FRMPD4: variants seen among roughly 807,000 people sequenced by gnomAD.
The protein encoded by FRMPD4 is FERM and PDZ domain-containing protein 4.
In FRMPD4, 22 loss-of-function variants were observed where a neutral mutation model predicts 94.1. The ratio of observed to expected loss-of-function variants is 0.23; its 90% CI spans 0.17 to 0.33. The LOEUF (loss-of-function observed/expected upper bound fraction) is 0.33, where lower values mean the gene tolerates loss of function less well. Ranked by LOEUF, FRMPD4 falls within the 10% of genes least tolerant of loss-of-function variation. The pLI, the probability that FRMPD4 is intolerant of heterozygous loss-of-function variation, is 1.00. For synonymous variants in FRMPD4, 631 were observed against 548.6 expected, an observed-to-expected ratio of 1.15 and a Z score of -2.10; for missense variants, 1,111 against 1,339.9, an observed-to-expected ratio of 0.83 and a Z score of 2.67.
At chrX:12,249,359 G>A (rs980131867) in intron 1 of FRMPD4, among the ~76,000 whole-genome samples, 2 of 111,474 alleles carry the variant, frequency 1.8e-5, no homozygotes, top group Admixed American at 9.5e-5. Flanking sequence ...ATAGAGAAAA[G>A]GTGGTGTTAA....
intron 1 of FRMPD4, among the ~76,000 whole-genome samples, chrX:12,200,977 C>T (rs1401931564): frequency 2.7e-5 from 3 of 112,126 alleles, no homozygotes; most frequent in South Asian, 3.7e-4. Context: ...TATTATTTTG[C>T]GTTGTTGTCA....
chrX:12,463,709 T>TTTC (rs1569286431), intron 1 of FRMPD4, among the ~76,000 whole-genome samples: 1 of 101,188 alleles, frequency 9.9e-6, no homozygotes, highest in Non-Finnish European at 2.0e-5. Context: ...TTTTTTTTTT[T>TTTC]TAACAGAGCA....
chrX:11,964,246 G>A (rs6640850), intron 3 of FRMPD4, among the ~76,000 whole-genome samples: 3,792 of 109,496 alleles, frequency 0.035, 162 homozygotes, highest in East Asian at 0.23. Context: ...TGCAAGTTCC[G>A]CCTCCTGGGT....
chrX:12,717,171 A>T, intron 15 of FRMPD4, 38 bp downstream of exon 15: 1 of 902,950 alleles, frequency 1.1e-6, no homozygotes, highest in Non-Finnish European at 1.5e-6. Flanking sequence ...ACTGATAACC[A>T]TATCATTCCA....
At chrX:12,036,727 T>C (rs1015145735) in intron 3 of FRMPD4, among the ~76,000 whole-genome samples, 1 of 111,818 alleles carries the variant, frequency 8.9e-6, no homozygotes, top group Non-Finnish European at 1.9e-5. Context: ...AATTTTGAGA[T>C]TTGGGTAGAC....
chrX:12,199,441 A>G (rs2056606699), intron 1 of FRMPD4, among the ~76,000 whole-genome samples: 1 of 111,235 alleles, frequency 9.0e-6, no homozygotes, highest in African/African-American at 3.3e-5. Flanking sequence ...CCCTATAGGC[A>G]GTTAAGTTCA....
intron 2 of FRMPD4, among the ~76,000 whole-genome samples, chrX:12,543,458 A>T (rs1242009320): frequency 7.1e-5 from 8 of 112,606 alleles, no homozygotes; most frequent in Non-Finnish European, 1.5e-4. Context: ...TCACAAGAAG[A>T]CATTTATGCA....
chrX:11,909,379 T>C (rs2053984656), intron 3 of FRMPD4, among the ~76,000 whole-genome samples: 1 of 112,169 alleles, frequency 8.9e-6, no homozygotes, highest in Non-Finnish European at 1.9e-5. Context: ...TTAATGTTTG[T>C]AGGATGTATG....
chrX:11,849,698 C>G (rs1475305653), intron 1 of FRMPD4, among the ~76,000 whole-genome samples: 1 of 102,934 alleles, frequency 9.7e-6, no homozygotes, highest in Non-Finnish European at 2.0e-5. Context: ...TTTTTTCCAA[C>G]AAGTGGTATA....
intron 1 of FRMPD4, among the ~76,000 whole-genome samples, chrX:12,222,776 T>C (rs1480154301): frequency 8.9e-6 from 1 of 112,293 alleles, no homozygotes; most frequent in East Asian, 2.8e-4. Flanking sequence ...GGCTTCTTAG[T>C]GTATTGTTCT....
chrX:12,631,930 C>G (rs1042756036), intron 4 of FRMPD4, among the ~76,000 whole-genome samples: 4 of 112,038 alleles, frequency 3.6e-5, no homozygotes, highest in Admixed American at 2.8e-4. Flanking sequence ...GCTGCCTAAT[C>G]CAGTGTCAGA....
chrX:11,878,530 A>G (rs1479171938), intron 3 of FRMPD4, among the ~76,000 whole-genome samples: 1 of 112,540 alleles, frequency 8.9e-6, no homozygotes, highest in African/African-American at 3.2e-5. Context: ...TTGGCTATGC[A>G]AATTGGTTTG....
rs149435320 is a variant in FRMPD4, at chrX:12,342,117, G to A, written c.42-156563G>A. 6.2e-3 allele frequency among the ~76,000 whole-genome samples: 697 copies of A among 111,864 alleles called. 6 individuals are homozygous for A. The highest frequency in any genetic ancestry group is 0.021 in the African/African-American group (662 of 30,795). ...CAGATGGGTTGACTGATGTTTATTC[G>A]TTCAACAAACATTTAGTTTTTGGTG... On this transcript the variant is annotated intron_variant, in intron 1 of 16. Coordinates refer to ENST00000675598, the MANE Select transcript of FRMPD4 (RefSeq NM_001368397.1).
At chrX:12,647,533 A>T (rs2059559118) in intron 4 of FRMPD4, among the ~76,000 whole-genome samples, 1 of 111,869 alleles carries the variant, frequency 8.9e-6, no homozygotes, top group Non-Finnish European at 1.9e-5. Context: ...GGACTTTAGC[A>T]GCCAGAGAGA....
chrX:12,278,888 A>C (rs1052544248), intron 1 of FRMPD4, among the ~76,000 whole-genome samples: 1 of 112,354 alleles, frequency 8.9e-6, no homozygotes, highest in African/African-American at 3.2e-5. Context: ...GACTAAGTTC[A>C]GGTTGCCTAC....
intron 1 of FRMPD4, among the ~76,000 whole-genome samples, chrX:12,284,375 C>T (rs1273156584): frequency 8.9e-6 from 1 of 111,933 alleles, no homozygotes; most frequent in Non-Finnish European, 1.9e-5. Context: ...CCCAACTTCC[C>T]TGAGTAGTGA....
intron 1 of FRMPD4, among the ~76,000 whole-genome samples, chrX:12,193,756 A>G (rs1055780839): frequency 9.4e-5 from 1 of 10,681 alleles, no homozygotes; most frequent in Non-Finnish European, 1.4e-4. Context: ...AAGAAACAGA[A>G]AGAAAGAAAG....
intron 1 of FRMPD4, among the ~76,000 whole-genome samples, chrX:12,284,927 A>G (rs549001720): frequency 1.8e-5 from 2 of 112,110 alleles, no homozygotes; most frequent in South Asian, 3.8e-4. Context: ...AATCTGTATC[A>G]TGGGAGTATT....
chrX:12,527,953 C>T (rs1003276537), intron 2 of FRMPD4, among the ~76,000 whole-genome samples: 1 of 112,356 alleles, frequency 8.9e-6, no homozygotes, highest in African/African-American at 3.2e-5. Flanking sequence ...CATTTAAAAA[C>T]TTCTCTATTA....
Sources: allele counts gnomAD v4.1 joint callset (sites outside exome capture counted in the v4.1 genomes callset), GRCh38; gene constraint gnomAD v4.1.1; transcripts MANE v1.5; gene names NCBI Gene and HGNC (gene_info 2026-07-23, HGNC 2026-07-21).